The following XXYLT1 variants were observed in gnomAD, a reference collection of about 807,000 sequenced individuals.
The protein encoded by XXYLT1 is UDP-xylose:alpha-xyloside alpha-1,3-xylosyltransferase.
XXYLT1 carries 20 observed loss-of-function variants against 28.9 expected under a neutral mutation model. The ratio of observed to expected loss-of-function variants is 0.69; its 90% CI spans 0.49 to 1.00. XXYLT1 has a LOEUF of 1.00. XXYLT1 is among the 50% of genes least tolerant of loss of function. XXYLT1 has a pLI of 0.00. For synonymous variants in XXYLT1, 257 were observed against 253.8 expected, an observed-to-expected ratio of 1.01 and a Z score of -0.12; for missense variants, 542 against 560.1, an observed-to-expected ratio of 0.97 and a Z score of 0.33.
intron 1 of XXYLT1, among the ~76,000 whole-genome samples, chr3:195,235,927 CAT>C (rs1388514222): frequency 1.4e-4 from 21 of 148,252 alleles, no homozygotes; most frequent in Admixed American, 4.0e-4. Flanking sequence ...TAGACATAGA[CAT>C]AGACATAGAC....
At chr3:195,203,240 A>G (rs1722931178) in intron 2 of XXYLT1, among the ~76,000 whole-genome samples, 1 of 152,246 alleles carries the variant, frequency 6.6e-6, no homozygotes, top group Admixed American at 6.5e-5. Flanking sequence ...AAATTACTAA[A>G]CATCAACAAC....
In XXYLT1 at chr3:195,150,855, CA is replaced by C. The variant is rs879724806; in HGVS notation, c.785+5593del. ...ATACGCACACTCTCTCACACACTCTCACACACACACACACTCTCTCCCTCTC... is the reference window on the plus strand; with the variant it reads ...ATACGCACACTCTCTCACACACTCTCCACACACACACACTCTCTCCCTCTC... On this transcript the variant is annotated intron_variant, in intron 3 of 3. Coordinates refer to ENST00000310380, the MANE Select transcript of XXYLT1 (RefSeq NM_152531.5). The surrounding 1 kb of genome is among the most constrained non-coding windows in gnomAD (Gnocchi z 4.7). Among the ~76,000 whole-genome samples, 36,572 of 149,830 alleles carry C rather than the reference CA, an allele frequency of 0.24. 5,239 individuals carry two copies. Among genetic ancestry groups the C allele is most frequent in the East Asian group, 0.56 (2,810 of 5,024 alleles).
At chr3:195,106,627 C>T (rs995596338) in intron 3 of XXYLT1, among the ~76,000 whole-genome samples, 3 of 152,244 alleles carry the variant, frequency 2.0e-5, no homozygotes, top group Non-Finnish European at 2.9e-5. Context: ...TGCAGGCACG[C>T]CGCGGCAGGG....
intron 3 of XXYLT1, among the ~76,000 whole-genome samples, chr3:195,107,283 G>A (rs528683238): frequency 1.3e-5 from 2 of 151,694 alleles, no homozygotes; most frequent in East Asian, 2.0e-4. Context: ...AGACCAGCCT[G>A]ACCAAGATGG....
chr3:195,128,991 C>T (rs892794900), intron 3 of XXYLT1, among the ~76,000 whole-genome samples: 1 of 152,168 alleles, frequency 6.6e-6, no homozygotes, highest in Non-Finnish European at 1.5e-5. Context: ...GAGTCATTTT[C>T]ATTCTCTTGG....
At chr3:195,106,861 G>A (rs1048455434) in intron 3 of XXYLT1, among the ~76,000 whole-genome samples, 1 of 148,456 alleles carries the variant, frequency 6.7e-6, no homozygotes, top group African/African-American at 2.5e-5. Flanking sequence ...CTAGGCCAAG[G>A]CCAAATTCTC....
chr3:195,115,873 T>C lies in XXYLT1; in HGVS notation c.785+40576A>G, dbSNP rs1042550578. Among the ~76,000 whole-genome samples, 6 of 152,036 alleles carry C rather than the reference T, an allele frequency of 3.9e-5. No individual in the cohort carries two copies. The highest frequency in any genetic ancestry group is 1.5e-4 in the African/African-American group (6 of 41,362). On this transcript the variant is annotated intron_variant, in intron 3 of 3. Transcript: ENST00000310380. The surrounding 1 kb of genome is among the most constrained non-coding windows in gnomAD (Gnocchi z 4.2). ...ATGAAAACTGGAGGCGCTGAGGCTG[T>C]CCTCAGGCTCAGGAGACAAAGACCG... is the stretch of plus-strand genomic sequence containing the variant.
At chr3:195,165,077 G>A (rs1268239231) in intron 2 of XXYLT1, among the ~76,000 whole-genome samples, 5 of 152,098 alleles carry the variant, frequency 3.3e-5, no homozygotes, top group Admixed American at 3.3e-4. Flanking sequence ...TTGTTTTCAA[G>A]TTCTAGCACC....
intron 2 of XXYLT1, among the ~76,000 whole-genome samples, chr3:195,189,666 T>C (rs1037558802): frequency 7.9e-5 from 12 of 151,990 alleles, no homozygotes; most frequent in East Asian, 5.8e-4. Flanking sequence ...GTCTGAAGAA[T>C]AGAAAAAAAG....
At chr3:195,106,002 G>A (rs1398022970) in intron 3 of XXYLT1, among the ~76,000 whole-genome samples, 1 of 152,110 alleles carries the variant, frequency 6.6e-6, no homozygotes, top group Non-Finnish European at 1.5e-5. Flanking sequence ...TTTCACCGGC[G>A]CGTAGCATTT....
At chr3:195,149,491 T>C (rs900769086) in intron 3 of XXYLT1, among the ~76,000 whole-genome samples, 1 of 152,198 alleles carries the variant, frequency 6.6e-6, no homozygotes, top group Non-Finnish European at 1.5e-5. Context: ...TCACCCTCTG[T>C]GCAGCGTAGC....
At position 195,069,108 on chromosome 3, in the gene XXYLT1, C is replaced by G. The variant is rs1227365790; in HGVS notation, c.*607G>C. On this transcript the variant is annotated 3_prime_UTR_variant, in exon 4 of 4. Transcript: ENST00000310380. ...TTTTCTTATGCAGGCCCCAGTTGGTCCTGAAGTCCTTCCTCAAAGAGGCGA... is the reference window on the plus strand; with the variant it reads ...TTTTCTTATGCAGGCCCCAGTTGGTGCTGAAGTCCTTCCTCAAAGAGGCGA... The G allele has an allele frequency of 6.6e-6, 1 of 152,572 alleles. No individual in the cohort carries two copies. Among genetic ancestry groups the G allele is most frequent in the Non-Finnish European group, 1.5e-5 (1 of 68,384 alleles). 9.5% of individuals were successfully genotyped at this position (152,572 alleles called of 1,614,324 possible).
chr3:195,247,843 A>G (rs1577195252), intron 1 of XXYLT1: 1 of 702,394 alleles, frequency 1.4e-6, no homozygotes, highest in East Asian at 2.7e-5. Context: ...ACCATAGTGC[A>G]GCAGGACAGA....
At chr3:195,194,831 C>T (rs1299440913) in intron 2 of XXYLT1, among the ~76,000 whole-genome samples, 9 of 152,122 alleles carry the variant, frequency 5.9e-5, no homozygotes, top group Non-Finnish European at 1.0e-4. Context: ...TTATATGATT[C>T]AATTTACATG....
At chr3:195,266,508 G>T (rs1256760893) in intron 1 of XXYLT1, among the ~76,000 whole-genome samples, 1 of 151,774 alleles carries the variant, frequency 6.6e-6, no homozygotes, top group East Asian at 1.9e-4. Flanking sequence ...AAAAATAAAA[G>T]AAAAAGACAA....
intron 3 of XXYLT1, among the ~76,000 whole-genome samples, chr3:195,088,981 CA>C (rs893378707): frequency 1.1e-4 from 16 of 152,044 alleles, no homozygotes; most frequent in African/African-American, 3.9e-4. Context: ...AGAGAAAAAA[CA>C]ATAAAAAGAA....
At chr3:195,102,806 T>C (rs1472008762) in intron 3 of XXYLT1, among the ~76,000 whole-genome samples, 2 of 152,236 alleles carry the variant, frequency 1.3e-5, no homozygotes, top group Admixed American at 6.5e-5. Flanking sequence ...GGTAGTGATT[T>C]CATTTCCTTT....
At chr3:195,197,474 A>T (rs1005922376) in intron 2 of XXYLT1, among the ~76,000 whole-genome samples, 5 of 151,978 alleles carry the variant, frequency 3.3e-5, no homozygotes, top group African/African-American at 7.3e-5. Flanking sequence ...ATGTTATTTC[A>T]AAGTGTCTTC....
chr3:195,174,635 G>A lies in XXYLT1; in HGVS notation c.653-18054C>T, dbSNP rs1162697469. 2.0e-5 allele frequency among the ~76,000 whole-genome samples: 3 copies of A among 151,648 alleles called. No homozygotes were observed. The East Asian group carries it at 5.8e-4, about 29-fold the overall frequency. ...CTATAGGAGCATGCCACCATGCCTA[G>A]CTATTTCCTTTCCTTCCCTCTTTCC... On this transcript the variant is annotated intron_variant, in intron 2 of 3. Coordinates refer to ENST00000310380, the MANE Select transcript of XXYLT1 (RefSeq NM_152531.5).
Sources: allele counts gnomAD v4.1 joint callset (sites outside exome capture counted in the v4.1 genomes callset), GRCh38; gene constraint gnomAD v4.1.1; non-coding constraint Gnocchi (gnomAD v3.1); transcripts MANE v1.5; gene names NCBI Gene and HGNC (gene_info 2026-07-23, HGNC 2026-07-21).